The following CYP46A1 variants were observed in gnomAD, a reference collection of about 807,000 sequenced individuals.
The protein encoded by CYP46A1 is cytochrome P450 family 46 subfamily A member 1, also known as cholesterol 24-hydroxylase.
A neutral mutation model predicts 63.3 loss-of-function variants in CYP46A1; 20 were observed. The observed-to-expected ratio is 0.32, with a 90% CI of 0.22 to 0.46. CYP46A1 has a LOEUF of 0.46. CYP46A1 is among the 20% of genes least tolerant of loss of function. CYP46A1 has a pLI of 1.00. For missense variants in CYP46A1, 445 were observed against 670.8 expected (o/e 0.66, Z 3.72); for synonymous variants, 268 against 273.6 (o/e 0.98, Z 0.20).
At chr14:99,716,259 G>A in intron 9 of CYP46A1, 60 bp downstream of exon 9, 1 of 1,575,558 alleles carries the variant, frequency 6.3e-7, no homozygotes, top group African/African-American at 1.3e-5. Context: ...GTGGACCATG[G>A]ATCCCTCAAA....
At chr14:99,687,639 C>A (rs1566824616) in intron 1 of CYP46A1, among the ~76,000 whole-genome samples, 1 of 152,258 alleles carries the variant, frequency 6.6e-6, no homozygotes, top group African/African-American at 2.4e-5. Context: ...TCACTGTGGG[C>A]TCTCCAGATG....
intron 1 of CYP46A1, chr14:99,684,895 T>A: frequency 2.7e-6 from 1 of 370,436 alleles, no homozygotes; most frequent in Middle Eastern, 3.7e-4. Context: ...CAGGTCAGCC[T>A]GCCTCCAAAG....
intron 3 of CYP46A1, chr14:99,693,536 T>C (rs1414160001): frequency 1.3e-5 from 2 of 152,244 alleles, no homozygotes; most frequent in Non-Finnish European, 2.9e-5. Flanking sequence ...AATTTGCTAA[T>C]ATTTTGTTAA....
intron 1 of CYP46A1, among the ~76,000 whole-genome samples, chr14:99,686,085 G>A (rs564164385): frequency 9.9e-5 from 15 of 152,180 alleles, no homozygotes; most frequent in African/African-American, 2.6e-4. Flanking sequence ...CTGCATCTCC[G>A]ACATGTAGCA....
intron 1 of CYP46A1, among the ~76,000 whole-genome samples, chr14:99,688,420 G>A (rs976399568): frequency 6.6e-5 from 10 of 151,874 alleles, no homozygotes; most frequent in African/African-American, 2.4e-4. Context: ...CTACTTCCCT[G>A]AGCAAAGGGA....
At chr14:99,692,084 G>T (rs955586861) in intron 3 of CYP46A1, among the ~76,000 whole-genome samples, 5 of 152,188 alleles carry the variant, frequency 3.3e-5, no homozygotes, top group Admixed American at 6.5e-5. Flanking sequence ...TGGGGACCTT[G>T]CTGTCCCCAT....
At chr14:99,720,747 T>C (rs867902974) in intron 10 of CYP46A1, among the ~76,000 whole-genome samples, 2 of 151,794 alleles carry the variant, frequency 1.3e-5, no homozygotes, top group South Asian at 2.1e-4. Flanking sequence ...TAGTTCCCAG[T>C]GGTTTGGGCA....
chr14:99,695,518 C>T (rs1394280656), intron 3 of CYP46A1: 2 of 340,438 alleles, frequency 5.9e-6, no homozygotes, highest in Non-Finnish European at 5.9e-6. Context: ...GATGAATTGA[C>T]TCTTTTATCC....
rs1174789348 is a variant in CYP46A1 at position 99,722,876 on chromosome 14, G to C, written c.1176+810G>C. ...CACAGCAACGATGCCATTTCTGTCC[G>C]CATGTCCAGGAACAGTGTGCAAGCC... On this transcript the variant is annotated intron_variant, in intron 12 of 14. Coordinates refer to ENST00000261835, the MANE Select transcript of CYP46A1 (RefSeq NM_006668.2). The surrounding 1 kb of genome is among the most constrained non-coding windows in gnomAD (Gnocchi z 4.6). 4.4e-6 allele frequency: 2 copies of C among 450,284 alleles called. No individual in the cohort carries two copies. The highest frequency in any genetic ancestry group is 9.0e-6 in the Non-Finnish European group (2 of 222,578). 27.9% of individuals were successfully genotyped at this position (450,284 alleles called of 1,614,324 possible). A position where few individuals can be genotyped will look rare whatever the true frequency, so the allele number is the denominator to read the frequency against.
intron 1 of CYP46A1, chr14:99,684,796 T>C (rs959715243): frequency 1.0e-4 from 58 of 574,992 alleles, no homozygotes; most frequent in Non-Finnish European, 1.3e-4. Flanking sequence ...GCGCTATTGT[T>C]AACCCATCGT....
chr14:99,724,717 C>T (rs569001939), intron 12 of CYP46A1, among the ~76,000 whole-genome samples: 4 of 152,330 alleles, frequency 2.6e-5, no homozygotes, highest in East Asian at 3.9e-4. Flanking sequence ...GCCCCCACAC[C>T]GGATGTTCCC....
At chr14:99,690,600 C>T (rs1399436216) in intron 1 of CYP46A1, among the ~76,000 whole-genome samples, 3 of 152,202 alleles carry the variant, frequency 2.0e-5, no homozygotes, top group Admixed American at 1.3e-4. Flanking sequence ...CAAACCATCC[C>T]TTGCTGAGAT....
Position 99,727,143 on chromosome 14 carries a change from G to GACCAC in CYP46A1, c.*419_*423dup, listed in dbSNP as rs1351047300. 1 of 185,366 alleles carries GACCAC rather than the reference G, an allele frequency of 5.4e-6. No homozygotes were observed. The highest frequency in any genetic ancestry group is 2.3e-5 in the African/African-American group (1 of 42,696). 11.5% of individuals were successfully genotyped at this position (185,366 alleles called of 1,614,324 possible). A position where few individuals can be genotyped will look rare whatever the true frequency, so the allele number is the denominator to read the frequency against. On this transcript the variant is annotated 3_prime_UTR_variant, in exon 15 of 15. Coordinates refer to ENST00000261835, the MANE Select transcript of CYP46A1 (RefSeq NM_006668.2). ...CCTGTGCTACCTCTAACACCACACT[G>GACCAC]ACCACACTGTATCGTGAGTGTCCGT...
In CYP46A1 at chr14:99,725,072, G is replaced by A. The variant is rs2056883171; in HGVS notation, c.1177-319G>A. Among the ~76,000 whole-genome samples the A allele has an allele frequency of 6.6e-6, 1 of 152,208 alleles. No homozygotes were observed. The highest frequency in any genetic ancestry group is 2.4e-5 in the African/African-American group (1 of 41,444). ...ATTTATTTGCCTGGTGACTTCAGGT[G>A]AGTCACTGAGCCTCTCTCTGGGTCT... is the stretch of plus-strand genomic sequence containing the variant. On this transcript the variant is annotated intron_variant, in intron 12 of 14. Transcript: ENST00000261835. This position sits in a 1 kb window ranked among gnomAD's most constrained non-coding sequence, Gnocchi z 4.2.
At chr14:99,726,470 G>C in intron 14 of CYP46A1, 87 bp from the exon 15 acceptor site, 3 of 1,357,322 alleles carry the variant, frequency 2.2e-6, no homozygotes, top group Non-Finnish European at 3.0e-6. Flanking sequence ...TCCAGGAGGA[G>C]AGCCGGCTGT....
At chr14:99,726,424 C>G in intron 14 of CYP46A1, 133 bp from the exon 15 acceptor site, 3 of 1,169,978 alleles carry the variant, frequency 2.6e-6, no homozygotes, top group Non-Finnish European at 3.5e-6. Context: ...CGGAGGAGAG[C>G]GCAAAACAGG....
chr14:99,716,207 G>A lies in CYP46A1; in HGVS notation c.907+8G>A. ...TCACCTTCTTCATTGCTGGTTTGTA[G>A]CTTTGGCGGTGGCCAAGGGCCCGGA... On this transcript the variant is annotated splice_region_variant and intron_variant, in intron 9 of 14. Transcript: ENST00000261835. 2 of 1,614,236 alleles carry A rather than the reference G, an allele frequency of 1.2e-6. No individual in the cohort carries two copies. Among genetic ancestry groups the A allele is most frequent in the South Asian group, 1.1e-5 (1 of 91,082 alleles).
rs1300130999 is a variant in CYP46A1, at chr14:99,726,840, G to C, written c.*113G>C. On this transcript the variant is annotated 3_prime_UTR_variant, in exon 15 of 15. Coordinates refer to ENST00000261835, the MANE Select transcript of CYP46A1 (RefSeq NM_006668.2). ...CCCCGTCCCCTGGGCCACCCTTCAC[G>C]CTGGCTTCCAGCGGGCCCTCTGCCG... 1.1e-6 allele frequency: 1 copy of C among 919,658 alleles called. No homozygotes were observed. Among genetic ancestry groups the C allele is most frequent in the East Asian group, 3.0e-5 (1 of 33,536 alleles). The allele number at this position is 919,658 out of a possible 1,614,324, so 57.0% of individuals were successfully genotyped here.
At chr14:99,721,216 C>T (rs374528474) in intron 10 of CYP46A1, 23 bp from the exon 11 acceptor site, 9 of 1,596,090 alleles carry the variant, frequency 5.6e-6, no homozygotes, top group Non-Finnish European at 7.7e-6. Context: ...TGGAGACGAA[C>T]TTGTCTTTGT....
Sources: allele counts gnomAD v4.1 joint callset (sites outside exome capture counted in the v4.1 genomes callset), GRCh38; gene constraint gnomAD v4.1.1; non-coding constraint Gnocchi (gnomAD v3.1); transcripts MANE v1.5; gene names NCBI Gene and HGNC (gene_info 2026-07-23, HGNC 2026-07-21).